SAMD4A: variants seen among roughly 807,000 people sequenced by gnomAD.
SAMD4A encodes sterile alpha motif domain containing 4A.
A neutral mutation model predicts 81.3 loss-of-function variants in SAMD4A; 33 were observed. That is an observed-to-expected ratio of 0.41 (90% CI 0.31 to 0.54). SAMD4A has a LOEUF of 0.54. Ranked by LOEUF, SAMD4A falls within the 20% of genes least tolerant of loss-of-function variation. SAMD4A has a pLI of 0.37. For missense variants in SAMD4A, 854 were observed against 951.1 expected (o/e 0.90, Z 1.34); for synonymous variants, 389 against 382.1 (o/e 1.02, Z -0.21).
chr14:54,569,140 G>A (rs1189650166), intron 2 of SAMD4A, among the ~76,000 whole-genome samples: 1 of 152,056 alleles, frequency 6.6e-6, no homozygotes, highest in Non-Finnish European at 1.5e-5. Context: ...AGAATGCAGG[G>A]TCCTCTTCCA....
chr14:54,767,779 C>G (rs572255286), intron 8 of SAMD4A, among the ~76,000 whole-genome samples: 1 of 152,312 alleles, frequency 6.6e-6, no homozygotes, highest in East Asian at 1.9e-4. Flanking sequence ...GCAGATCCCC[C>G]ATAACTGAGC....
rs769209792 is a variant in SAMD4A at position 54,737,060 on chromosome 14, G to A, written c.752G>A (p.Arg251Gln). 8.7e-6 allele frequency: 14 copies of A among 1,613,658 alleles called. No homozygotes were observed. In the Admixed American group the frequency reaches 1.0e-4, roughly 12 times the overall value. ...CAGGCACACCACAGCCCTTTGAAAC[G>A]ATCTGTGTCCCTTACCCCACCCATG... is the stretch of plus-strand genomic sequence containing the variant. ...SGQAHHSPLK[R>Q]SVSLTPPMNV... Residue 251 changes from arginine (R) to glutamine (Q), a missense_variant, in exon 4 of 13, where the codon CGA becomes CAA. Arg to Gln is a conservative substitution (Grantham distance 43, BLOSUM62 1). Around this residue, in one of 3 missense-constraint regions of SAMD4A, gnomAD observed 387 missense variants for 405.8 expected, o/e 0.95. Coordinates refer to ENST00000554335, the MANE Select transcript of SAMD4A (RefSeq NM_015589.6).
intron 2 of SAMD4A, among the ~76,000 whole-genome samples, chr14:54,655,764 A>G (rs562872666): frequency 6.6e-6 from 1 of 152,270 alleles, no homozygotes; most frequent in African/African-American, 2.4e-5. Context: ...ACAAACAAAC[A>G]AAAAGAATAT....
intron 3 of SAMD4A, among the ~76,000 whole-genome samples, chr14:54,725,414 G>A (rs921371140): frequency 6.6e-6 from 1 of 152,230 alleles, no homozygotes; most frequent in Non-Finnish European, 1.5e-5. Context: ...TTCTTACCAG[G>A]AAAAGCAGAA....
chr14:54,762,077 C>T (rs1265235743), intron 7 of SAMD4A, among the ~76,000 whole-genome samples: 4 of 152,180 alleles, frequency 2.6e-5, no homozygotes, highest in Non-Finnish European at 5.9e-5. Context: ...TCCAAGCATA[C>T]ATGCTGGGTG....
intron 11 of SAMD4A, among the ~76,000 whole-genome samples, chr14:54,782,870 TTC>T (rs1192437695): frequency 1.3e-5 from 2 of 152,216 alleles, no homozygotes; most frequent in East Asian, 1.9e-4. Flanking sequence ...TTCGTTTCAC[TTC>T]TCTTTCTTCT....
Position 54,784,538 on chromosome 14 carries a change from A to G in SAMD4A, c.2046A>G (p.Glu682=). 6.2e-7 allele frequency: 1 copy of G among 1,614,176 alleles called. No individual in the cohort carries two copies. Among genetic ancestry groups the G allele is most frequent in the Admixed American group, 1.7e-5 (1 of 60,030 alleles). ...PQNMLMFQQP[E]FQLPVTEPDI... is the part of the protein sequence containing the mutation. ...AACATAACCCTTTATCGCCTGCAGA[A>G]TTCCAGCTTCCCGTGACCGAACCTG... The change falls in exon 12 of 13, where the codon GAA becomes GAG. Residue 682 remains glutamate, a splice_region_variant and synonymous_variant. Coordinates refer to ENST00000554335, the MANE Select transcript of SAMD4A (RefSeq NM_015589.6).
At chr14:54,634,188 AG>A (rs1423020978) in intron 2 of SAMD4A, among the ~76,000 whole-genome samples, 1 of 147,682 alleles carries the variant, frequency 6.8e-6, no homozygotes, top group Non-Finnish European at 1.5e-5. Context: ...CGGGAGGCTG[AG>A]GCAGGAAAAT....
intron 2 of SAMD4A, among the ~76,000 whole-genome samples, chr14:54,686,620 A>G (rs371238054): frequency 1.3e-4 from 19 of 151,784 alleles, no homozygotes; most frequent in African/African-American, 4.4e-4. Context: ...TTGGCAACTC[A>G]AAAGGAGAGT....
chr14:54,684,622 C>T (rs1175058617), intron 2 of SAMD4A, among the ~76,000 whole-genome samples: 2 of 135,856 alleles, frequency 1.5e-5, no homozygotes, highest in East Asian at 2.6e-4. Flanking sequence ...GCCCCCCCCC[C>T]CAACCAGAAA....
At chr14:54,704,213 A>T (rs1388149700) in intron 3 of SAMD4A, among the ~76,000 whole-genome samples, 2 of 152,222 alleles carry the variant, frequency 1.3e-5, no homozygotes, top group Non-Finnish European at 2.9e-5. Context: ...CAGCAGGAAC[A>T]GTTTACTCGT....
intron 2 of SAMD4A, among the ~76,000 whole-genome samples, chr14:54,684,606 A>ACC (rs2036207098): frequency 1.2e-4 from 8 of 68,756 alleles, no homozygotes; most frequent in African/African-American, 3.8e-4. Context: ...TTGGCCAGAC[A>ACC]CCCCCGCCCC....
At chr14:54,622,938 C>T (rs915077560) in intron 2 of SAMD4A, among the ~76,000 whole-genome samples, 1 of 152,182 alleles carries the variant, frequency 6.6e-6, no homozygotes, top group Non-Finnish European at 1.5e-5. Flanking sequence ...TTTTTACAGC[C>T]ATCTTAGGCC....
intron 8 of SAMD4A, 82 bp from the exon 9 acceptor site, chr14:54,770,022 T>C: frequency 1.2e-6 from 1 of 867,468 alleles, no homozygotes; most frequent in East Asian, 2.4e-5. Flanking sequence ...GAGACTCCAA[T>C]GTTTTCCCCT....
chr14:54,583,070 A>G (rs1013138618), intron 2 of SAMD4A, among the ~76,000 whole-genome samples: 1 of 152,202 alleles, frequency 6.6e-6, no homozygotes, highest in Non-Finnish European at 1.5e-5. Context: ...CAGCCTCCCG[A>G]GTAGCTGGGG....
chr14:54,639,365 G>A (rs3742560), intron 2 of SAMD4A, among the ~76,000 whole-genome samples: 79,987 of 151,982 alleles, frequency 0.53, 21,172 homozygotes, highest in Middle Eastern at 0.6. Context: ...GTTTCTCAGC[G>A]TCTCTGTTTC....
At chr14:54,627,739 C>T (rs888986164) in intron 2 of SAMD4A, among the ~76,000 whole-genome samples, 1 of 152,210 alleles carries the variant, frequency 6.6e-6, no homozygotes, top group Non-Finnish European at 1.5e-5. Context: ...GAAGCTTTAT[C>T]TGTGTCTCTC....
chr14:54,699,048 A>G (rs993113141), intron 2 of SAMD4A, among the ~76,000 whole-genome samples: 1 of 151,902 alleles, frequency 6.6e-6, no homozygotes, highest in Non-Finnish European at 1.5e-5. Flanking sequence ...AGTCATTCCT[A>G]ATTTTTATCT....
Position 54,567,862 on chromosome 14 carries a change from C to T in SAMD4A, c.-55C>T. Reference sequence around the variant, plus strand: ...CGGCTCCGCCAAACTTTGGGGCGGGCGGGGCGGGCTGGGGCGCCCAGGGGG... The same window carrying T: ...CGGCTCCGCCAAACTTTGGGGCGGGTGGGGCGGGCTGGGGCGCCCAGGGGG... On this transcript the variant is annotated 5_prime_UTR_variant, in exon 2 of 13. Coordinates refer to ENST00000554335, the MANE Select transcript of SAMD4A (RefSeq NM_015589.6). 1.6e-6 allele frequency: 2 copies of T among 1,249,468 alleles called. No homozygotes were observed. Among genetic ancestry groups the T allele is most frequent in the Non-Finnish European group, 1.0e-6 (1 of 981,594 alleles). The allele number at this position is 1,249,468 out of a possible 1,614,324, so 77.4% of individuals were successfully genotyped here. A position where few individuals can be genotyped will look rare whatever the true frequency, so the allele number is the denominator to read the frequency against.
Sources: gnomAD v4.1 joint callset for allele counts (sites outside exome capture counted in the v4.1 genomes callset) on GRCh38, gnomAD v4.1.1 for gene constraint, gnomAD v4.1.1 regional missense constraint, MANE v1.5 for transcripts, NCBI Gene and HGNC (gene_info 2026-07-23, HGNC 2026-07-21) for gene names.